The following CFAP91 variants were observed in gnomAD, a reference collection of about 807,000 sequenced individuals.
CFAP91 encodes the protein cilia- and flagella-associated protein 91.
Under a neutral mutation model 95.9 loss-of-function variants are expected in CFAP91, and 85 were observed. The observed-to-expected ratio is 0.89, with a 90% confidence interval of 0.74 to 1.06. The LOEUF is 1.06. Ranked by LOEUF, CFAP91 falls within the 50% of genes least tolerant of loss-of-function variation. The pLI, the probability that CFAP91 is intolerant of heterozygous loss-of-function variation, is 0.00. For synonymous variants in CFAP91, 335 were observed against 327.5 expected (o/e 1.02, Z -0.25); for missense variants, 962 against 943.4 (o/e 1.02, Z -0.26).
At chr3:119,757,739 A>G (rs1418033747) in intron 17 of CFAP91, among the ~76,000 whole-genome samples, 2 of 152,186 alleles carry the variant, frequency 1.3e-5, no homozygotes, top group East Asian at 3.9e-4. Context: ...ATTACGCCCA[A>G]CAACTACAGA....
intron 17 of CFAP91, among the ~76,000 whole-genome samples, chr3:119,762,922 T>C (rs948958440): frequency 6.6e-6 from 1 of 151,918 alleles, no homozygotes; most frequent in African/African-American, 2.4e-5. Context: ...GGTGATCTTT[T>C]GGATATGACT....
At chr3:119,710,730 A>G (rs529039863) in intron 5 of CFAP91, among the ~76,000 whole-genome samples, 1 of 152,068 alleles carries the variant, frequency 6.6e-6, no homozygotes, top group East Asian at 1.9e-4. Context: ...GAATTTTATA[A>G]CTTAATAACC....
chr3:119,732,426 A>G lies in CFAP91; in HGVS notation c.1151A>G (p.Asn384Ser), dbSNP rs1037030638. The part of the protein sequence containing the change: ...PLSRLGCFPD[N>S]NSEDFVVKNY... ...TCTCGTCTTGGGTGTTTCCCAGACA[A>G]CAACTCAGAGGACTTTGTAGTAAAA... Residue 384 changes from asparagine to serine, a missense_variant, in exon 9 of 18, where the codon AAC becomes AGC. Physicochemically the swap from Asn to Ser is conservative, Grantham distance 46. Coordinates refer to ENST00000273390, the MANE Select transcript of CFAP91 (RefSeq NM_033364.4). 1 of 1,612,274 alleles carries G rather than the reference A, an allele frequency of 6.2e-7. No individual in the cohort carries two copies. The highest frequency in any genetic ancestry group is 8.5e-7 in the Non-Finnish European group (1 of 1,179,436).
chr3:119,748,528 G>A (rs1218229205), intron 16 of CFAP91, among the ~76,000 whole-genome samples: 1 of 152,222 alleles, frequency 6.6e-6, no homozygotes, highest in Admixed American at 6.5e-5. Flanking sequence ...CCTAGACAGA[G>A]GGGTGCAACC....
At chr3:119,751,147 C>T (rs371292427) in intron 17 of CFAP91, 49 bp downstream of exon 17, 86 of 1,549,252 alleles carry the variant, frequency 5.6e-5, no homozygotes, top group Non-Finnish European at 7.1e-5. Context: ...GGAAGAAAAG[C>T]GGCATTGTTC....
rs1419866624 is a variant in CFAP91 at position 119,744,284 on chromosome 3, C to G, written c.1902+88C>G. ...GCTCATGACATAAAATGGCATTTGG[C>G]TTTTGTTTATGCATTGAGTTCCTAC... is the stretch of plus-strand genomic sequence containing the variant. On this transcript the variant is annotated intron_variant, in intron 14 of 17. Coordinates refer to ENST00000273390, the MANE Select transcript of CFAP91 (RefSeq NM_033364.4). 1.8e-5 allele frequency: 20 copies of G among 1,095,888 alleles called. No homozygotes were observed. In the East Asian group the frequency reaches 4.6e-4, roughly 25 times the overall value. 67.9% of individuals were successfully genotyped at this position (1,095,888 alleles called of 1,614,324 possible).
intron 15 of CFAP91, chr3:119,747,480 T>C (rs1274655609): frequency 1.8e-6 from 1 of 568,148 alleles, no homozygotes; most frequent in African/African-American, 1.9e-5. Context: ...CTCTCATTAC[T>C]TACTTTAAGA....
intron 16 of CFAP91, among the ~76,000 whole-genome samples, chr3:119,748,304 A>G (rs540260632): frequency 6.6e-6 from 1 of 152,310 alleles, no homozygotes; most frequent in South Asian, 2.1e-4. Context: ...GGTGCTAGAA[A>G]GGTCTAAGTC....
intron 4 of CFAP91, among the ~76,000 whole-genome samples, chr3:119,709,009 A>T (rs1021787502): frequency 2.0e-5 from 3 of 152,262 alleles, no homozygotes; most frequent in African/African-American, 7.2e-5. Context: ...AATATTTGAA[A>T]TGAAGTCATC....
At chr3:119,736,924 C>T (rs990780782) in intron 10 of CFAP91, among the ~76,000 whole-genome samples, 2 of 152,010 alleles carry the variant, frequency 1.3e-5, no homozygotes, top group Non-Finnish European at 2.9e-5. Context: ...GCAATTTCTG[C>T]CTCCCAGGTT....
intron 17 of CFAP91, among the ~76,000 whole-genome samples, chr3:119,760,162 A>G (rs557807670): frequency 1.4e-4 from 22 of 152,056 alleles, no homozygotes; most frequent in African/African-American, 5.1e-4. Context: ...TTAAGGACTC[A>G]CATAGACTGA....
chr3:119,711,840 T>C (rs538739607), intron 5 of CFAP91, among the ~76,000 whole-genome samples: 12 of 152,390 alleles, frequency 7.9e-5, no homozygotes, highest in Non-Finnish European at 1.5e-4. Context: ...TTAATACTTT[T>C]AAAACATTCA....
In CFAP91 at chr3:119,703,085, A is replaced by G. The variant is rs1236636811; in HGVS notation, c.-14A>G. 1.9e-6 allele frequency: 3 copies of G among 1,551,276 alleles called. No individual in the cohort carries two copies. The highest frequency in any genetic ancestry group is 2.4e-5 in the East Asian group (1 of 41,036). On this transcript the variant is annotated 5_prime_UTR_variant, in exon 1 of 18. Transcript: ENST00000273390. ...CCGCTGGTCCCTTGCTGGCGGGAGG[A>G]AAGAGGCGGCACCATGAGCCACGCA...
At chr3:119,749,499 G>A (rs1015630207) in intron 16 of CFAP91, among the ~76,000 whole-genome samples, 2 of 151,812 alleles carry the variant, frequency 1.3e-5, no homozygotes, top group African/African-American at 4.8e-5. Context: ...ATTCCAGCCT[G>A]AACACAGAAT....
At chr3:119,749,913 C>T (rs888241901) in intron 16 of CFAP91, among the ~76,000 whole-genome samples, 2 of 152,166 alleles carry the variant, frequency 1.3e-5, no homozygotes, top group East Asian at 1.9e-4. Flanking sequence ...ATGCTAAGTT[C>T]CAAGAAGTTC....
Position 119,708,692 on chromosome 3 carries a change from A to G in CFAP91, c.443+18A>G, listed in dbSNP as rs1211239406. On this transcript the variant is annotated intron_variant, in intron 4 of 17. Transcript: ENST00000273390. ...TTTGAAAGGTAGAACATAATTACTA[A>G]TGAATATTTGAGCCCTAATATTATT... is the stretch of plus-strand genomic sequence containing the variant. 7.9e-6 allele frequency: 11 copies of G among 1,391,430 alleles called. No individual in the cohort carries two copies. In the East Asian group the frequency reaches 1.8e-4, roughly 23 times the overall value. The allele number at this position is 1,391,430 out of a possible 1,614,324, so 86.2% of individuals were successfully genotyped here. A position where few individuals can be genotyped will look rare whatever the true frequency, so the allele number is the denominator to read the frequency against.
intron 10 of CFAP91, among the ~76,000 whole-genome samples, chr3:119,736,557 T>A (rs898298423): frequency 2.0e-5 from 3 of 152,134 alleles, no homozygotes; most frequent in African/African-American, 7.2e-5. Flanking sequence ...ATCGCAGGCG[T>A]GAGCCACCGC....
At chr3:119,759,763 A>G (rs188925190) in intron 17 of CFAP91, among the ~76,000 whole-genome samples, 4 of 152,128 alleles carry the variant, frequency 2.6e-5, no homozygotes, top group Admixed American at 2.6e-4. Context: ...TAAAAAGTGT[A>G]GAGTTCTTGC....
intron 13 of CFAP91, among the ~76,000 whole-genome samples, chr3:119,741,222 A>T (rs1005087765): frequency 1.2e-4 from 19 of 152,228 alleles, no homozygotes; most frequent in Admixed American, 1.0e-3. Context: ...AAACAATAAC[A>T]ACAAAACAAG....
Sources: gnomAD v4.1 joint callset for allele counts (sites outside exome capture counted in the v4.1 genomes callset) on GRCh38, gnomAD v4.1.1 for gene constraint, MANE v1.5 for transcripts, NCBI Gene and HGNC (gene_info 2026-07-23, HGNC 2026-07-21) for gene names.